CACNA2D1: variants seen among roughly 807,000 people sequenced by gnomAD.
CACNA2D1 encodes the protein voltage-dependent calcium channel subunit alpha-2/delta-1.
CACNA2D1 carries 53 observed loss-of-function variants against 171.5 expected under a neutral mutation model. The observed-to-expected ratio is 0.31, with a 90% CI of 0.25 to 0.39. The LOEUF is 0.39. Ranked by LOEUF, CACNA2D1 falls within the 10% of genes least tolerant of loss-of-function variation. The probability of loss-of-function intolerance (pLI) is 1.00; values close to 1 mark genes in which losing one functional copy is unlikely to be tolerated. For synonymous variants in CACNA2D1, 442 were observed against 443.1 expected, an observed-to-expected ratio of 1.00 and a Z score of 0.03; for missense variants, 903 against 1,299.8, an observed-to-expected ratio of 0.69 and a Z score of 4.69.
chr7:82,349,561 T>G lies in CACNA2D1; in HGVS notation c.177+7A>C. On this transcript the variant is annotated splice_region_variant and intron_variant, in intron 2 of 38. Transcript: ENST00000356860. ...ATTAAGAAATCTCTTTGGTGGATTTTACTCACATCAACAAGCTGATTGACT... is the reference window on the plus strand; with the variant it reads ...ATTAAGAAATCTCTTTGGTGGATTTGACTCACATCAACAAGCTGATTGACT... The G allele has an allele frequency of 2.5e-6, 4 of 1,609,066 alleles. No homozygotes were observed. Among genetic ancestry groups the G allele is most frequent in the Non-Finnish European group, 3.4e-6 (4 of 1,175,354 alleles).
chr7:82,032,080 G>GA (rs1274653157), intron 12 of CACNA2D1, among the ~76,000 whole-genome samples: 2 of 151,868 alleles, frequency 1.3e-5, no homozygotes, highest in Non-Finnish European at 2.9e-5. Context: ...GCTGATAATA[G>GA]GACGGCTAGA....
intron 1 of CACNA2D1, among the ~76,000 whole-genome samples, chr7:82,431,398 C>A (rs867976424): frequency 6.6e-6 from 1 of 152,226 alleles, no homozygotes; most frequent in Non-Finnish European, 1.5e-5. Flanking sequence ...TTAATCCTCA[C>A]GATAACATTG....
chr7:81,980,190 A>AG (rs1796309161), intron 24 of CACNA2D1, among the ~76,000 whole-genome samples: 1 of 149,074 alleles, frequency 6.7e-6, no homozygotes, highest in Non-Finnish European at 1.5e-5. Flanking sequence ...AAAAAAAAAA[A>AG]AAAAAAAAAA....
At chr7:82,342,699 A>G (rs1563398619) in intron 2 of CACNA2D1, among the ~76,000 whole-genome samples, 1 of 152,224 alleles carries the variant, frequency 6.6e-6, no homozygotes, top group Non-Finnish European at 1.5e-5. Context: ...AAGATCACAT[A>G]GGATGCAATA....
At chr7:81,966,097 A>C (rs1440695728) in intron 31 of CACNA2D1, among the ~76,000 whole-genome samples, 1 of 151,794 alleles carries the variant, frequency 6.6e-6, no homozygotes, top group Non-Finnish European at 1.5e-5. Context: ...AAAACACATC[A>C]GTACTATAAG....
chr7:82,001,667 T>C, intron 18 of CACNA2D1: 1 of 1,247,166 alleles, frequency 8.0e-7, no homozygotes, highest in Non-Finnish European at 1.1e-6. Flanking sequence ...ACCTGGATAT[T>C]GGGTCTCCTT....
chr7:82,152,957 A>G (rs1362003913), intron 4 of CACNA2D1, among the ~76,000 whole-genome samples: 2 of 151,586 alleles, frequency 1.3e-5, no homozygotes, highest in African/African-American at 4.9e-5. Context: ...ACTTTCGAGA[A>G]CATTCATAAG....
At chr7:81,970,608 T>A in intron 27 of CACNA2D1, 67 bp downstream of exon 27, 1 of 843,492 alleles carries the variant, frequency 1.2e-6, no homozygotes, top group Non-Finnish European at 2.1e-6. Context: ...CCTTAAGCAG[T>A]AATGTACAAA....
At chr7:82,345,717 T>TGTGTGTG (rs1819170960) in intron 2 of CACNA2D1, among the ~76,000 whole-genome samples, 4 of 150,508 alleles carry the variant, frequency 2.7e-5, no homozygotes, top group South Asian at 2.1e-4. Flanking sequence ...TGTGTGTGTG[T>TGTGTGTG]TTAGAAATAT....
chr7:81,971,279 C>G lies in CACNA2D1; in HGVS notation c.2141+498G>C, dbSNP rs1436200196. On this transcript the variant is annotated intron_variant, in intron 26 of 38. Transcript: ENST00000356860. ...GCTGCATGTGGAGGAATGGAGAACA[C>G]TAAAGGCAGAAAAATCAGTTGCTGT... Among the ~76,000 whole-genome samples, 8 of 151,462 alleles carry G rather than the reference C, an allele frequency of 5.3e-5. No homozygotes were observed. The Admixed American group carries it at 5.3e-4, about 10-fold the overall frequency.
chr7:81,969,519 T>G (rs568005940), intron 28 of CACNA2D1, among the ~76,000 whole-genome samples: 1 of 151,484 alleles, frequency 6.6e-6, no homozygotes, highest in Admixed American at 6.6e-5. Flanking sequence ...AATTATATTT[T>G]ATAATACTGA....
At chr7:82,022,203 A>C (rs559724045) in intron 12 of CACNA2D1, among the ~76,000 whole-genome samples, 1 of 149,724 alleles carries the variant, frequency 6.7e-6, no homozygotes, top group Non-Finnish European at 1.5e-5. Flanking sequence ...AAGTGTAAAT[A>C]AATGTTATCA....
intron 3 of CACNA2D1, among the ~76,000 whole-genome samples, chr7:82,226,509 T>C (rs1802381098): frequency 6.6e-6 from 1 of 152,148 alleles, no homozygotes; most frequent in South Asian, 2.1e-4. Flanking sequence ...GGCTCTGAGA[T>C]ATTTTGCCAT....
intron 2 of CACNA2D1, among the ~76,000 whole-genome samples, 159 bp from the exon 3 acceptor site, chr7:82,335,410 T>C (rs117714711): frequency 0.012 from 1,803 of 152,236 alleles, 18 homozygotes; most frequent in Middle Eastern, 0.02. Flanking sequence ...GGAAAAAATA[T>C]GTAAATATAA....
chr7:82,258,855 C>T (rs1806691825), intron 3 of CACNA2D1, among the ~76,000 whole-genome samples: 1 of 85,424 alleles, frequency 1.2e-5, no homozygotes, highest in Admixed American at 1.4e-4. Flanking sequence ...AGTTTCGCTC[C>T]GTTGCACAGG....
intron 3 of CACNA2D1, among the ~76,000 whole-genome samples, chr7:82,262,280 G>A (rs554610295): frequency 2.0e-5 from 3 of 152,152 alleles, no homozygotes; most frequent in South Asian, 2.1e-4. Flanking sequence ...GCGGTGAGCC[G>A]AGATGGTGCC....
intron 3 of CACNA2D1, among the ~76,000 whole-genome samples, chr7:82,291,217 T>C (rs1369683976): frequency 8.3e-6 from 1 of 120,588 alleles, no homozygotes. Flanking sequence ...TAAAATTCTA[T>C]ATTATATATT....
chr7:82,440,105 T>A (rs1323380522), intron 1 of CACNA2D1, among the ~76,000 whole-genome samples: 4 of 151,940 alleles, frequency 2.6e-5, no homozygotes, highest in South Asian at 4.1e-4. Context: ...TGAGAATTTA[T>A]GCTTATTTCC....
At chr7:82,270,077 T>C (rs544021138) in intron 3 of CACNA2D1, among the ~76,000 whole-genome samples, 2 of 152,210 alleles carry the variant, frequency 1.3e-5, no homozygotes, top group Admixed American at 6.5e-5. Flanking sequence ...GGTTTCCATA[T>C]CTTGAATTCC....
Sources: gnomAD v4.1 joint callset for allele counts (sites outside exome capture counted in the v4.1 genomes callset) on GRCh38, gnomAD v4.1.1 for gene constraint, MANE v1.5 for transcripts, NCBI Gene and HGNC (gene_info 2026-07-23, HGNC 2026-07-21) for gene names.